NTM: variants seen among roughly 807,000 people sequenced by gnomAD.
NTM encodes IgLON family member 2.
A neutral mutation model predicts 42.1 loss-of-function variants in NTM; 13 were observed. The ratio of observed to expected loss-of-function variants is 0.31; its 90% CI spans 0.20 to 0.49. NTM has a LOEUF of 0.49. NTM is among the 20% of genes least tolerant of loss of function. The pLI is 0.99. For missense variants in NTM, 373 were observed against 452.8 expected (o/e 0.82, Z 1.60); for synonymous variants, 187 against 179.2 (o/e 1.04, Z -0.35).
chr11:132,269,748 T>C (rs895359369), intron 4 of NTM, among the ~76,000 whole-genome samples: 4 of 152,194 alleles, frequency 2.6e-5, no homozygotes, highest in Non-Finnish European at 5.9e-5. Context: ...GACTGGGGGC[T>C]CCTGGCAAGC....
intron 1 of NTM, among the ~76,000 whole-genome samples, chr11:131,632,673 C>CATTTTTT (rs1555058399): frequency 2.4e-4 from 20 of 83,090 alleles, no homozygotes; most frequent in Admixed American, 3.5e-4. Context: ...GCTCGGGCAG[C>CATTTTTT]TTTTTTTTTT....
At chr11:131,687,288 C>T (rs369730945) in intron 1 of NTM, among the ~76,000 whole-genome samples, 3 of 152,230 alleles carry the variant, frequency 2.0e-5, no homozygotes, top group Admixed American at 1.3e-4. Flanking sequence ...ACCCTCCCAG[C>T]GCCCCTCCCA....
Position 132,265,403 on chromosome 11 carries a change from G to A in NTM, c.527-42286G>A, listed in dbSNP as rs529938721. Among the ~76,000 whole-genome samples, 3 of 152,218 alleles carry A rather than the reference G, an allele frequency of 2.0e-5. No individual in the cohort carries two copies. The South Asian group carries it at 6.2e-4, about 32-fold the overall frequency. ...GCAAATTACTTAAATTTTCTAATAC[G>A]CTAAAGTTCATTTCTGGTCCAGAGG... On this transcript the variant is annotated intron_variant, in intron 4 of 8. Coordinates refer to ENST00000683400, the MANE Select transcript of NTM (RefSeq NM_001352005.2).
At chr11:131,460,071 A>G (rs1335740730) in intron 1 of NTM, among the ~76,000 whole-genome samples, 1 of 152,206 alleles carries the variant, frequency 6.6e-6, no homozygotes, top group Non-Finnish European at 1.5e-5. Context: ...AATTTCCCGA[A>G]AAGTTGAGAT....
At chr11:132,113,621 C>T (rs2063512530) in intron 2 of NTM, among the ~76,000 whole-genome samples, 1 of 152,204 alleles carries the variant, frequency 6.6e-6, no homozygotes, top group African/African-American at 2.4e-5. Flanking sequence ...ATGTGAGAGG[C>T]ACTCCCAGAT....
At chr11:131,372,659 C>G (rs1941379622) in intron 1 of NTM, among the ~76,000 whole-genome samples, 1 of 152,022 alleles carries the variant, frequency 6.6e-6, no homozygotes, top group African/African-American at 2.4e-5. Flanking sequence ...TCTATCTGTC[C>G]CGAGATCCAT....
At chr11:131,747,468 C>T (rs924538295) in intron 1 of NTM, among the ~76,000 whole-genome samples, 17 of 151,858 alleles carry the variant, frequency 1.1e-4, no homozygotes, top group African/African-American at 4.1e-4. Context: ...AATGAAGTTC[C>T]TCCTGTGTCC....
chr11:131,871,043 C>T (rs577597636), intron 1 of NTM, among the ~76,000 whole-genome samples: 1 of 152,308 alleles, frequency 6.6e-6, no homozygotes, highest in African/African-American at 2.4e-5. Flanking sequence ...CATCTGAAAG[C>T]ACCATTACAT....
chr11:131,473,320 C>T (rs1346514292), intron 1 of NTM, among the ~76,000 whole-genome samples: 1 of 152,122 alleles, frequency 6.6e-6, no homozygotes, highest in East Asian at 1.9e-4. Context: ...CATGCTTTGA[C>T]AACTGCTCCA....
chr11:131,940,139 C>T (rs1000211369), intron 2 of NTM, among the ~76,000 whole-genome samples: 10 of 152,294 alleles, frequency 6.6e-5, no homozygotes, highest in African/African-American at 9.6e-5. Flanking sequence ...TATGGGATGA[C>T]GATTCTGCAG....
intron 4 of NTM, among the ~76,000 whole-genome samples, chr11:132,306,815 A>C (rs2095102400): frequency 2.0e-5 from 3 of 152,204 alleles, no homozygotes; most frequent in Admixed American, 6.5e-5. Flanking sequence ...AAGGAAGCGA[A>C]GGCTCAGGTG....
At chr11:131,861,456 G>C (rs896198562) in intron 1 of NTM, among the ~76,000 whole-genome samples, 1 of 151,968 alleles carries the variant, frequency 6.6e-6, no homozygotes, top group African/African-American at 2.4e-5. Flanking sequence ...CTCTCTGTCT[G>C]TTCATCCTTC....
At chr11:132,102,854 T>C (rs2061791575) in intron 2 of NTM, among the ~76,000 whole-genome samples, 1 of 152,220 alleles carries the variant, frequency 6.6e-6, no homozygotes, top group Non-Finnish European at 1.5e-5. Flanking sequence ...GGAGCCTGTC[T>C]TCCCTGTTCC....
intron 1 of NTM, among the ~76,000 whole-genome samples, chr11:131,514,683 A>G (rs147749363): frequency 0.022 from 3,376 of 152,044 alleles, 130 homozygotes; most frequent in African/African-American, 0.077. Flanking sequence ...GGCTCAAGCA[A>G]TCCTCCCACC....
At chr11:131,604,255 G>A (rs1257643301) in intron 1 of NTM, among the ~76,000 whole-genome samples, 1 of 152,062 alleles carries the variant, frequency 6.6e-6, no homozygotes, top group African/African-American at 2.4e-5. Context: ...CTGTGGTTTT[G>A]ATTTGCATTT....
chr11:131,701,500 T>C (rs1447724383), intron 1 of NTM, among the ~76,000 whole-genome samples: 1 of 152,120 alleles, frequency 6.6e-6, no homozygotes, highest in East Asian at 1.9e-4. Flanking sequence ...CTCAATGCAT[T>C]TGTCAGTTTT....
At chr11:131,658,617 C>A (rs544745368) in intron 1 of NTM, among the ~76,000 whole-genome samples, 1 of 152,146 alleles carries the variant, frequency 6.6e-6, no homozygotes, top group Non-Finnish European at 1.5e-5. Context: ...TCCTGGTCTG[C>A]GGAGAAACTT....
At chr11:132,201,815 G>T (rs192828410) in intron 3 of NTM, among the ~76,000 whole-genome samples, 3 of 152,236 alleles carry the variant, frequency 2.0e-5, no homozygotes, top group Admixed American at 2.0e-4. Context: ...ATATTTTATT[G>T]GATCCCAAAT....
intron 1 of NTM, among the ~76,000 whole-genome samples, chr11:131,618,725 A>G (rs1241515341): frequency 1.3e-5 from 2 of 152,210 alleles, no homozygotes; most frequent in African/African-American, 2.4e-5. Flanking sequence ...TTCAGGGATA[A>G]GTAAGTATTG....
Sources: allele counts gnomAD v4.1 joint callset (sites outside exome capture counted in the v4.1 genomes callset), GRCh38; gene constraint gnomAD v4.1.1; transcripts MANE v1.5; gene names NCBI Gene and HGNC (gene_info 2026-07-23, HGNC 2026-07-21).